SIDT1: variants seen among roughly 807,000 people sequenced by gnomAD.
SIDT1 encodes SID1 transmembrane family, member 1.
A neutral mutation model predicts 107.5 loss-of-function variants in SIDT1; 101 were observed. The ratio of observed to expected loss-of-function variants is 0.94; its 90% CI spans 0.80 to 1.11. The LOEUF is 1.11. Among genes scored for constraint, SIDT1 ranks in the 50% least tolerant of loss-of-function variants. The pLI, the probability that SIDT1 is intolerant of heterozygous loss-of-function variation, is 0.00. For missense variants in SIDT1, 1,076 were observed against 1,058.2 expected (o/e 1.02, Z -0.23); for synonymous variants, 395 against 398.2 (o/e 0.99, Z 0.10).
At chr3:113,578,105 GA>G (rs1388891622) in intron 4 of SIDT1, among the ~76,000 whole-genome samples, 3 of 152,214 alleles carry the variant, frequency 2.0e-5, no homozygotes, top group African/African-American at 7.2e-5. Flanking sequence ...AATATTTATT[GA>G]CTATTTAATT....
intron 9 of SIDT1, 157 bp from the exon 10 acceptor site, chr3:113,592,848 A>C (rs1057346218): frequency 4.6e-6 from 3 of 646,594 alleles, no homozygotes; most frequent in Non-Finnish European, 8.5e-6. Context: ...GGCCTCCCAA[A>C]GTGCTGGGAT....
chr3:113,615,621 G>A (rs950674920), intron 19 of SIDT1, among the ~76,000 whole-genome samples: 1 of 152,108 alleles, frequency 6.6e-6, no homozygotes, highest in African/African-American at 2.4e-5. Context: ...TAGAGCCTAG[G>A]GTCCTTTAGT....
intron 10 of SIDT1, among the ~76,000 whole-genome samples, chr3:113,600,816 G>A (rs1944906815): frequency 6.6e-6 from 1 of 152,172 alleles, no homozygotes; most frequent in African/African-American, 2.4e-5. Context: ...ATACTTATGG[G>A]TCAGCCCAAG....
In SIDT1 at chr3:113,628,339, A is replaced by C. The variant is rs1946986392; in HGVS notation, c.*631A>C. The C allele has an allele frequency of 6.5e-6, 1 of 153,028 alleles. No individual in the cohort carries two copies. Among genetic ancestry groups the C allele is most frequent in the Non-Finnish European group, 1.5e-5 (1 of 68,398 alleles). 9.5% of individuals were successfully genotyped at this position (153,028 alleles called of 1,614,324 possible). ...AGGGCTCAGGAGTGGGGTTTGTCAC[A>C]CATTCCTCTTAACAAGTAACTGTCA... On this transcript the variant is annotated 3_prime_UTR_variant, in exon 25 of 25. Transcript: ENST00000264852.
At chr3:113,542,161 G>T (rs1461480173) in intron 1 of SIDT1, among the ~76,000 whole-genome samples, 1 of 151,968 alleles carries the variant, frequency 6.6e-6, no homozygotes, top group Non-Finnish European at 1.5e-5. Context: ...GACCTCAGGA[G>T]ATCCACCTGC....
chr3:113,587,283 ATTGT>A (rs1489161549), intron 9 of SIDT1, among the ~76,000 whole-genome samples: 1 of 152,164 alleles, frequency 6.6e-6, no homozygotes, highest in African/African-American at 2.4e-5. Context: ...TAAGCTAACA[ATTGT>A]TTGAATCTAT....
chr3:113,548,379 A>G (rs1939836364), intron 1 of SIDT1, among the ~76,000 whole-genome samples: 2 of 152,022 alleles, frequency 1.3e-5, no homozygotes, highest in South Asian at 4.1e-4. Flanking sequence ...GTGTTCCATT[A>G]ATTCATCCTT....
intron 19 of SIDT1, 100 bp downstream of exon 19, chr3:113,612,294 CG>C: frequency 1.1e-5 from 9 of 825,088 alleles, no homozygotes; most frequent in Non-Finnish European, 4.1e-6. Flanking sequence ...CACTGGTCAC[CG>C]TGAACACATG....
At chr3:113,635,195 T>A in the SIDT1 span, among the ~76,000 whole-genome samples, 1 of 152,346 alleles carries the variant, frequency 6.6e-6, no homozygotes, top group African/African-American at 2.4e-5. Flanking sequence ...GGTTATTTAT[T>A]TTCTAAAAAA....
At chr3:113,545,198 C>T (rs572490773) in intron 1 of SIDT1, among the ~76,000 whole-genome samples, 49 of 143,260 alleles carry the variant, frequency 3.4e-4, no homozygotes, top group Non-Finnish European at 6.8e-4. Flanking sequence ...CTTCACCAAA[C>T]TTTCAACAAC....
chr3:113,634,951 C>T, the SIDT1 span, among the ~76,000 whole-genome samples: 2 of 152,210 alleles, frequency 1.3e-5, no homozygotes, highest in African/African-American at 2.4e-5. Context: ...CATTTTGGCT[C>T]TCTAAACTGG....
chr3:113,610,587 A>G (rs1432464047), intron 17 of SIDT1, among the ~76,000 whole-genome samples: 1 of 152,200 alleles, frequency 6.6e-6, no homozygotes, highest in Non-Finnish European at 1.5e-5. Context: ...GGTGCTGAGA[A>G]CGACCTCCCA....
chr3:113,585,510 AAC>A (rs1943679385), intron 9 of SIDT1, among the ~76,000 whole-genome samples: 2 of 152,166 alleles, frequency 1.3e-5, no homozygotes, highest in Non-Finnish European at 2.9e-5. Flanking sequence ...TTATATCAAT[AAC>A]ACACACATAA....
chr3:113,574,426 A>C (rs1457877034), intron 3 of SIDT1, among the ~76,000 whole-genome samples: 3 of 152,152 alleles, frequency 2.0e-5, no homozygotes, highest in Non-Finnish European at 4.4e-5. Flanking sequence ...CAAACAAAGG[A>C]GGGGCTTTGA....
At chr3:113,593,723 T>A (rs2614195) in intron 10 of SIDT1, among the ~76,000 whole-genome samples, 2,003 of 152,298 alleles carry the variant, frequency 0.013, 53 homozygotes, top group African/African-American at 0.046. Flanking sequence ...AAGAATGTAT[T>A]GTGCCAACTC....
At chr3:113,635,652 A>T in the SIDT1 span, among the ~76,000 whole-genome samples, 1 of 152,136 alleles carries the variant, frequency 6.6e-6, no homozygotes, top group Non-Finnish European at 1.5e-5. Context: ...GGATCACAAG[A>T]TCAGGAGATC....
downstream of SIDT1, among the ~76,000 whole-genome samples, chr3:113,633,420 G>A (rs1006939614): frequency 2.0e-5 from 3 of 152,076 alleles, no homozygotes; most frequent in Non-Finnish European, 2.9e-5. Context: ...ACTGAGATGC[G>A]GCAAGAATAA....
chr3:113,601,322 T>G, intron 10 of SIDT1: 1 of 311,692 alleles, frequency 3.2e-6, no homozygotes. Context: ...CGTATCATTT[T>G]TACCTGTCAT....
intron 14 of SIDT1, among the ~76,000 whole-genome samples, chr3:113,605,837 C>G (rs2107687947): frequency 6.6e-6 from 1 of 151,952 alleles, no homozygotes; most frequent in African/African-American, 2.4e-5. Context: ...AACCCTGACT[C>G]TACCAAAAAT....
Sources: gnomAD v4.1 joint callset for allele counts (sites outside exome capture counted in the v4.1 genomes callset) on GRCh38, gnomAD v4.1.1 for gene constraint, MANE v1.5 for transcripts, NCBI Gene and HGNC (gene_info 2026-07-23, HGNC 2026-07-21) for gene names.